STAG2: variants seen among roughly 807,000 people sequenced by gnomAD.
The protein encoded by STAG2 is STAG2 cohesin complex component.
Under a neutral mutation model 108.1 loss-of-function variants are expected in STAG2, and 14 were observed. That is an observed-to-expected ratio of 0.13 (90% CI 0.09 to 0.20). The LOEUF (loss-of-function observed/expected upper bound fraction) is 0.20. STAG2 is among the 10% of genes least tolerant of loss of function. The probability of loss-of-function intolerance (pLI) is 1.00; values close to 1 mark genes in which losing one functional copy is unlikely to be tolerated. For missense variants in STAG2, 440 were observed against 940.9 expected, an observed-to-expected ratio of 0.47 and a Z score of 6.96; for synonymous variants, 307 against 302.7, an observed-to-expected ratio of 1.01 and a Z score of -0.15.
At chrX:124,091,882 A>G (rs1466046256) in intron 32 of STAG2, among the ~76,000 whole-genome samples, 1 of 112,548 alleles carries the variant, frequency 8.9e-6, no homozygotes. Flanking sequence ...TGGATTATGT[A>G]TGATAACTTT....
intron 1 of STAG2, among the ~76,000 whole-genome samples, chrX:124,011,597 AT>A (rs765690617): frequency 6.3e-5 from 7 of 111,739 alleles, no homozygotes; most frequent in Non-Finnish European, 1.3e-4. Flanking sequence ...TAGGTACTTT[AT>A]AAAGAAAAAG....
At chrX:124,040,838 T>A (rs76507463) in intron 6 of STAG2, among the ~76,000 whole-genome samples, 3,289 of 102,798 alleles carry the variant, frequency 0.032, 61 homozygotes, top group Non-Finnish European at 0.047. Flanking sequence ...GAGTGTTTTC[T>A]CTTCTCCTCT....
At chrX:123,975,945 T>C (rs925475310) in intron 1 of STAG2, among the ~76,000 whole-genome samples, 2 of 112,372 alleles carry the variant, frequency 1.8e-5, no homozygotes, top group African/African-American at 6.5e-5. Flanking sequence ...CATTTGTTCC[T>C]AATCCTTTTA....
chrX:123,979,627 CT>C, intron 1 of STAG2, among the ~76,000 whole-genome samples: 1 of 111,486 alleles, frequency 9.0e-6, no homozygotes, highest in African/African-American at 3.3e-5. Flanking sequence ...TTTTAGAGGC[CT>C]ATTCTCATGA....
intron 17 of STAG2, 98 bp downstream of exon 17, chrX:124,061,972 T>G (rs1051281900): frequency 9.0e-6 from 6 of 666,421 alleles, no homozygotes; most frequent in African/African-American, 4.5e-5. Flanking sequence ...AATTTTGTTT[T>G]ATTTTTCAGA....
chrX:124,078,842 G>T (rs1296288068), intron 27 of STAG2, among the ~76,000 whole-genome samples: 2 of 108,551 alleles, frequency 1.8e-5, no homozygotes, highest in Non-Finnish European at 3.8e-5. Context: ...GATGATGTGA[G>T]CCTATAATCC....
intron 1 of STAG2, among the ~76,000 whole-genome samples, chrX:124,004,905 G>A (rs1417167214): frequency 1.8e-5 from 2 of 111,167 alleles, no homozygotes; most frequent in East Asian, 2.8e-4. Context: ...TGTCAAGACC[G>A]GGAAATTGAC....
chrX:123,992,889 G>A (rs1348244121), intron 1 of STAG2, among the ~76,000 whole-genome samples: 1 of 110,683 alleles, frequency 9.0e-6, no homozygotes, highest in Admixed American at 9.8e-5. Flanking sequence ...AGTACAAAGG[G>A]GGTGGTTATG....
chrX:124,057,793 A>G, intron 14 of STAG2, 73 bp from the exon 15 acceptor site: 2 of 660,494 alleles, frequency 3.0e-6, no homozygotes, highest in South Asian at 7.4e-5. Flanking sequence ...TATGAAATTG[A>G]AACAGTTAAT....
chrX:124,045,457 C>A, intron 8 of STAG2, 89 bp downstream of exon 8: 1 of 843,712 alleles, frequency 1.2e-6, no homozygotes, highest in Non-Finnish European at 1.7e-6. Flanking sequence ...AACAGAGATA[C>A]AAATTAATTT....
rs2148467212 is a variant in STAG2 at position 124,086,751 on chromosome X, G to A, written c.3258G>A (p.Glu1086=). 1 of 1,198,601 alleles carries A rather than the reference G, an allele frequency of 8.3e-7. No individual in the cohort carries two copies. Among genetic ancestry groups the A allele is most frequent in the Non-Finnish European group, 1.1e-6 (1 of 889,681 alleles). ...KPSTGKRKVV[E]GMQLSLTEES... is the part of the protein sequence containing the mutation. ...CTACAGGAAAACGGAAAGTGGTTGA[G>A]GGCATGCAGCTTTCACTCAGTAAGG... The change falls in exon 30 of 35, where the codon GAG becomes GAA. Residue 1086 remains glutamate (E), a synonymous_variant. Coordinates refer to ENST00000371145, the MANE Select transcript of STAG2 (RefSeq NM_001042750.2).
At chrX:123,966,832 C>G (rs1025214529) in intron 1 of STAG2, among the ~76,000 whole-genome samples, 1 of 111,742 alleles carries the variant, frequency 8.9e-6, no homozygotes, top group African/African-American at 3.3e-5. Flanking sequence ...TTGATACTCA[C>G]CAGTAGACAC....
At chrX:124,031,983 G>C (rs1197768052) in intron 5 of STAG2, among the ~76,000 whole-genome samples, 1 of 111,028 alleles carries the variant, frequency 9.0e-6, no homozygotes, top group Non-Finnish European at 1.9e-5. Flanking sequence ...ACCTGCCTCG[G>C]CCTCCCAAAG....
In STAG2 at chrX:124,061,738, T is replaced by C. The variant is rs202000508; in HGVS notation, c.1535-33T>C. The C allele has an allele frequency of 1.9e-3, 1,878 of 1,011,448 alleles. 7 individuals carry two copies. Among genetic ancestry groups the C allele is most frequent in the Middle Eastern group, 6.8e-3 (25 of 3,698 alleles). 83.4% of individuals were successfully genotyped at this position (1,011,448 alleles called of 1,213,427 possible). On this transcript the variant is annotated intron_variant, in intron 16 of 34. Coordinates refer to ENST00000371145, the MANE Select transcript of STAG2 (RefSeq NM_001042750.2). Reference sequence around the variant, plus strand: ...AGGGAGAAGAAATAAGCTAACTCTTTCTGACTTTTTTTTTTTTTTTTTTTT... The same window carrying C: ...AGGGAGAAGAAATAAGCTAACTCTTCCTGACTTTTTTTTTTTTTTTTTTTT...
intron 1 of STAG2, among the ~76,000 whole-genome samples, chrX:123,980,381 A>T (rs369966559): frequency 1.8e-5 from 2 of 111,241 alleles, no homozygotes; most frequent in East Asian, 5.6e-4. Flanking sequence ...GTGGTCAAAG[A>T]GGTAGGAGAA....
intron 1 of STAG2, among the ~76,000 whole-genome samples, chrX:123,996,756 C>T (rs1336940868): frequency 5.4e-5 from 6 of 111,866 alleles, no homozygotes; most frequent in Non-Finnish European, 1.1e-4. Flanking sequence ...AGTAGTATTC[C>T]ATTGTATGAG....
At chrX:123,983,969 C>CTTTTTTTTTTTTTTTTT (rs1569493164) in intron 1 of STAG2, among the ~76,000 whole-genome samples, 2 of 64,650 alleles carry the variant, frequency 3.1e-5, no homozygotes, top group African/African-American at 1.5e-4. Context: ...ATTTTCTTTT[C>CTTTTTTTTTTTTTTTTT]TTTTCTTTTT....
intron 23 of STAG2, among the ~76,000 whole-genome samples, chrX:124,068,129 T>TA (rs2058584375): frequency 8.9e-6 from 1 of 112,104 alleles, no homozygotes; most frequent in Non-Finnish European, 1.9e-5. Flanking sequence ...TTTTATAAAA[T>TA]ACAGCAGTAT....
In STAG2 at chrX:124,102,589, T is replaced by C; in HGVS notation, c.*1992T>C. On this transcript the variant is annotated 3_prime_UTR_variant, in exon 35 of 35. Coordinates refer to ENST00000371145, the MANE Select transcript of STAG2 (RefSeq NM_001042750.2). ...CTATTATCACATCTTTTAATGTGTT[T>C]GGGGAATAATTTATAGAGAATACCA... is the stretch of plus-strand genomic sequence containing the variant. The C allele has an allele frequency of 6.8e-6, 1 of 146,539 alleles. No homozygotes were observed. Among genetic ancestry groups the C allele is most frequent in the Non-Finnish European group, 1.4e-5 (1 of 73,138 alleles). 12.1% of individuals were successfully genotyped at this position (146,539 alleles called of 1,213,427 possible).
Sources: allele counts gnomAD v4.1 joint callset (sites outside exome capture counted in the v4.1 genomes callset), GRCh38; gene constraint gnomAD v4.1.1; transcripts MANE v1.5; gene names NCBI Gene and HGNC (gene_info 2026-07-23, HGNC 2026-07-21).